Variants in EXOC4 observed in about 807,000 individuals in gnomAD.
EXOC4 encodes exocyst complex component 4.
In EXOC4, 71 loss-of-function variants were observed where a neutral mutation model predicts 107.2. The ratio of observed to expected loss-of-function variants is 0.66; its 90% CI spans 0.55 to 0.81. The LOEUF is 0.81. Ranked by LOEUF, EXOC4 falls within the 30% of genes least tolerant of loss-of-function variation. The probability of loss-of-function intolerance (pLI) is 0.00; values close to 1 mark genes in which losing one functional copy is unlikely to be tolerated. For synonymous variants in EXOC4, 456 were observed against 441.2 expected (o/e 1.03, Z -0.42); for missense variants, 1,108 against 1,189.6 (o/e 0.93, Z 1.01).
intron 10 of EXOC4, among the ~76,000 whole-genome samples, chr7:133,669,829 GA>G (rs754968615): frequency 2.0e-5 from 3 of 152,130 alleles, no homozygotes; most frequent in Non-Finnish European, 4.4e-5. Flanking sequence ...TGTTTCTGAG[GA>G]ACACTTACAA....
intron 9 of EXOC4, among the ~76,000 whole-genome samples, chr7:133,568,812 T>C (rs1585003296): frequency 1.3e-5 from 2 of 152,262 alleles, no homozygotes; most frequent in East Asian, 1.9e-4. Context: ...TAAGGAAATA[T>C]TTATACCACA....
At chr7:134,011,267 T>C (rs114846091) in intron 17 of EXOC4, among the ~76,000 whole-genome samples, 3,408 of 152,252 alleles carry the variant, frequency 0.022, 130 homozygotes, top group African/African-American at 0.077. Flanking sequence ...AAGAGAGGTC[T>C]GAACGAACGA....
At chr7:134,054,093 G>A (rs973914275) in intron 17 of EXOC4, among the ~76,000 whole-genome samples, 5 of 152,040 alleles carry the variant, frequency 3.3e-5, no homozygotes, top group African/African-American at 4.8e-5. Flanking sequence ...CTACAGGTGC[G>A]CACTACCACG....
chr7:133,882,482 C>T (rs1165842985), intron 11 of EXOC4, among the ~76,000 whole-genome samples: 14 of 152,190 alleles, frequency 9.2e-5, no homozygotes, highest in South Asian at 2.1e-4. Context: ...TCCCTCCCTT[C>T]TGGAATCTCA....
the EXOC4 span, among the ~76,000 whole-genome samples, chr7:134,090,194 A>G: frequency 1.3e-5 from 2 of 152,222 alleles, no homozygotes; most frequent in Non-Finnish European, 2.9e-5. Context: ...ACACTGACAG[A>G]CAGAAGATAA....
At chr7:133,654,227 C>G (rs938159304) in intron 10 of EXOC4, among the ~76,000 whole-genome samples, 1 of 152,012 alleles carries the variant, frequency 6.6e-6, no homozygotes, top group South Asian at 2.1e-4. Flanking sequence ...ATTAGTATTC[C>G]GAGAACTGTG....
intron 11 of EXOC4, among the ~76,000 whole-genome samples, chr7:133,884,117 G>A (rs1799026482): frequency 1.3e-5 from 2 of 152,150 alleles, no homozygotes; most frequent in Non-Finnish European, 2.9e-5. Context: ...CCGTTTTCAC[G>A]ATTGCTTCTT....
At chr7:133,959,418 T>C (rs956678887) in intron 14 of EXOC4, among the ~76,000 whole-genome samples, 3 of 149,706 alleles carry the variant, frequency 2.0e-5, no homozygotes, top group Non-Finnish European at 4.4e-5. Context: ...TCTCAGAAGA[T>C]AGAACTGAAG....
chr7:133,571,830 G>A (rs1477249323), intron 9 of EXOC4, among the ~76,000 whole-genome samples: 4 of 152,182 alleles, frequency 2.6e-5, no homozygotes, highest in African/African-American at 9.7e-5. Flanking sequence ...GTGGTGAAAG[G>A]CAGAAGAGTA....
intron 10 of EXOC4, chr7:133,727,336 ATTTTGAGTAAC>A (rs1054226450): frequency 1.1e-4 from 17 of 160,344 alleles, no homozygotes; most frequent in Non-Finnish European, 2.1e-4. Context: ...TTTACAGCAC[ATTTTGAGTAAC>A]TTAGTGCATG....
At chr7:133,254,204 T>A (rs1397108648) in intron 1 of EXOC4, among the ~76,000 whole-genome samples, 1 of 152,176 alleles carries the variant, frequency 6.6e-6, no homozygotes, top group Non-Finnish European at 1.5e-5. Flanking sequence ...TTAGAACAGC[T>A]TACCACTCAC....
At chr7:134,078,518 CAGTA>C in the EXOC4 span, among the ~76,000 whole-genome samples, 2 of 152,082 alleles carry the variant, frequency 1.3e-5, no homozygotes, top group African/African-American at 4.8e-5. Flanking sequence ...CCATCCTCAG[CAGTA>C]AGTGTTTACC....
rs557146517 is a variant in EXOC4 at position 133,479,989 on chromosome 7, A to G, written c.1329-61A>G. 2.7e-4 allele frequency: 350 copies of G among 1,298,424 alleles called. 4 individuals carry two copies. The South Asian group carries it at 3.8e-3, about 14-fold the overall frequency. 80.4% of individuals were successfully genotyped at this position (1,298,424 alleles called of 1,614,324 possible). On this transcript the variant is annotated intron_variant, in intron 8 of 17. Coordinates refer to ENST00000253861, the MANE Select transcript of EXOC4 (RefSeq NM_021807.4). ...CAGAGTAGAATAATGTGGAATACAG[A>G]GCTGGTCAGCACTTAATTGGTTTAC...
intron 10 of EXOC4, among the ~76,000 whole-genome samples, chr7:133,670,291 T>C (rs775381687): frequency 1.6e-4 from 24 of 152,248 alleles, no homozygotes; most frequent in Non-Finnish European, 2.9e-4. Context: ...TGAACTTGTT[T>C]CCTCACTTGT....
In EXOC4 at chr7:133,743,963, G is replaced by C. The variant is rs576566617; in HGVS notation, c.1515-73362G>C. Among the ~76,000 whole-genome samples the C allele has an allele frequency of 6.6e-5, 10 of 152,208 alleles. No individual in the cohort carries two copies. The East Asian group carries it at 1.9e-3, about 29-fold the overall frequency. ...AGAGAACTCTGAGGAGGAAGGATAG[G>C]CTACTGAGAGAGAGATTTCATTTTT... On this transcript the variant is annotated intron_variant, in intron 10 of 17. Transcript: ENST00000253861.
In EXOC4 at chr7:133,831,674, T is replaced by C. The variant is rs190511546; in HGVS notation, c.1734+14130T>C. On this transcript the variant is annotated intron_variant, in intron 11 of 17. Coordinates refer to ENST00000253861, the MANE Select transcript of EXOC4 (RefSeq NM_021807.4). ...TCAGCCATTTTTCTAGGAATCCTAG[T>C]TCCTTTTATTAGAGACTAGCATTGG... is the stretch of plus-strand genomic sequence containing the variant. Among the ~76,000 whole-genome samples, 8 of 152,194 alleles carry C rather than the reference T, an allele frequency of 5.3e-5. No homozygotes were observed. The East Asian group carries it at 1.5e-3, about 29-fold the overall frequency.
chr7:133,253,874 G>C (rs958279566), intron 1 of EXOC4: 1 of 152,132 alleles, frequency 6.6e-6, no homozygotes, highest in African/African-American at 2.4e-5. Flanking sequence ...GGGAGCGGTG[G>C]ATCTTTTAGG....
chr7:133,754,417 G>A (rs1423140627), intron 10 of EXOC4, among the ~76,000 whole-genome samples: 2 of 152,174 alleles, frequency 1.3e-5, no homozygotes, highest in Non-Finnish European at 2.9e-5. Flanking sequence ...TCAGTAAAAG[G>A]TTTATGGAAG....
intron 10 of EXOC4, among the ~76,000 whole-genome samples, chr7:133,745,767 A>G (rs562787395): frequency 2.2e-3 from 238 of 107,812 alleles, no homozygotes; most frequent in African/African-American, 7.7e-3. Flanking sequence ...CAGTTATAGT[A>G]TTGGTCTATT....
Sources: allele counts gnomAD v4.1 joint callset (sites outside exome capture counted in the v4.1 genomes callset), GRCh38; gene constraint gnomAD v4.1.1; transcripts MANE v1.5; gene names NCBI Gene and HGNC (gene_info 2026-07-23, HGNC 2026-07-21).